The following CPXM2 variants were observed in gnomAD, a reference collection of about 807,000 sequenced individuals.
The protein encoded by CPXM2 is carboxypeptidase X, M14 family member 2.
A neutral mutation model predicts 86.1 loss-of-function variants in CPXM2; 66 were observed. That is an observed-to-expected ratio of 0.77 (90% CI 0.63 to 0.94). The LOEUF (loss-of-function observed/expected upper bound fraction) is 0.94, where lower values mean the gene tolerates loss of function less well. Ranked by LOEUF, CPXM2 falls within the 40% of genes least tolerant of loss-of-function variation. The pLI is 0.00. For synonymous variants in CPXM2, 388 were observed against 400.2 expected (o/e 0.97, Z 0.36); for missense variants, 948 against 1,026.3 (o/e 0.92, Z 1.04).
intron 11 of CPXM2, among the ~76,000 whole-genome samples, chr10:123,759,394 T>G (rs1846284356): frequency 6.6e-6 from 1 of 152,210 alleles, no homozygotes; most frequent in African/African-American, 2.4e-5. Flanking sequence ...GCCTGCCATT[T>G]TGCAATATGT....
In CPXM2 at chr10:123,768,736, C is replaced by A. The variant is rs368011035; in HGVS notation, c.1103-14G>T. The A allele has an allele frequency of 1.2e-6, 2 of 1,603,876 alleles. No individual in the cohort carries two copies. Among genetic ancestry groups the A allele is most frequent in the African/African-American group, 1.3e-5 (1 of 74,872 alleles). On this transcript the variant is annotated splice_polypyrimidine_tract_variant and intron_variant, in intron 8 of 13. Transcript: ENST00000241305. Reference sequence around the variant, plus strand: ...ACTCGGGCTCACCTTTACTCAAAGACAGAGAGAAGCACAGGTTCACGTTGA... The same window carrying A: ...ACTCGGGCTCACCTTTACTCAAAGAAAGAGAGAAGCACAGGTTCACGTTGA...
At chr10:123,815,544 C>T (rs1847796002) in intron 4 of CPXM2, among the ~76,000 whole-genome samples, 1 of 152,150 alleles carries the variant, frequency 6.6e-6, no homozygotes, top group South Asian at 2.1e-4. Context: ...TCCCCATACC[C>T]AGTAGTGGCA....
chr10:123,939,968 A>G (rs1235774747), intron 1 of CPXM2, among the ~76,000 whole-genome samples: 2 of 152,162 alleles, frequency 1.3e-5, no homozygotes, highest in African/African-American at 2.4e-5. Flanking sequence ...CATCTGCAGG[A>G]CTTGAAGTCA....
Position 123,754,701 on chromosome 10 carries a change from A to C in CPXM2, c.1979T>G (p.Ile660Ser). Reference protein sequence around the residue: ...DSHGKGIPNAIISVEGINHDI... With the variant: ...DSHGKGIPNASISVEGINHDI... ...ATGGTTAATGCCTTCTACGGAGATAATGGCGTTTGGGATTCCTTTTCCATG... is the reference window on the plus strand; with the variant it reads ...ATGGTTAATGCCTTCTACGGAGATACTGGCGTTTGGGATTCCTTTTCCATG... The change falls in exon 13 of 14, where the codon ATT (isoleucine) becomes AGT (serine). Residue 660 changes from isoleucine to serine, a missense_variant. By Grantham distance (142) the Ile-to-Ser change is moderately radical. Transcript: ENST00000241305. This position sits in a 1 kb window ranked among gnomAD's most constrained non-coding sequence, Gnocchi z 4.0. The C allele has an allele frequency of 6.2e-7, 1 of 1,609,834 alleles. No individual in the cohort carries two copies. The highest frequency in any genetic ancestry group is 8.5e-7 in the Non-Finnish European group (1 of 1,176,036).
chr10:123,887,517 T>C (rs1945197670), intron 1 of CPXM2, among the ~76,000 whole-genome samples: 1 of 152,154 alleles, frequency 6.6e-6, no homozygotes, highest in East Asian at 1.9e-4. Flanking sequence ...ACCTCCTCAT[T>C]TTGATACTGT....
chr10:123,754,762 C>T lies in CPXM2; in HGVS notation c.1918G>A (p.Val640Ile), dbSNP rs530115758. ...ACCAAGCCTTTAATGCCACGATGAA[C>T]CTGCTCAGCAAACATGAGACACAGG... Reference protein sequence around the residue: ...RESLIVFMEQVHRGIKGLVRD... With the variant: ...RESLIVFMEQIHRGIKGLVRD... The change falls in exon 13 of 14, where the codon GTT becomes ATT. Residue 640 changes from valine to isoleucine, a missense_variant and splice_region_variant. Coordinates refer to ENST00000241305, the MANE Select transcript of CPXM2 (RefSeq NM_198148.3). The surrounding 1 kb of genome is among the most constrained non-coding windows in gnomAD (Gnocchi z 4.0). 1.0e-5 allele frequency: 16 copies of T among 1,583,138 alleles called. No individual in the cohort carries two copies. Among genetic ancestry groups the T allele is most frequent in the South Asian group, 7.7e-5 (7 of 90,438 alleles).
chr10:123,822,807 A>C lies in CPXM2; in HGVS notation c.653+19542T>G, dbSNP rs543590411. On this transcript the variant is annotated intron_variant, in intron 4 of 13. Transcript: ENST00000241305. Reference sequence around the variant, plus strand: ...AGAAGGAATAACTCAAAGCTTTAGAAGCTTGCCTACCCTCAGACCTCTACT... The same window carrying C: ...AGAAGGAATAACTCAAAGCTTTAGACGCTTGCCTACCCTCAGACCTCTACT... Among the ~76,000 whole-genome samples, 6 of 152,280 alleles carry C rather than the reference A, an allele frequency of 3.9e-5. No homozygotes were observed. The South Asian group carries it at 1.2e-3, about 32-fold the overall frequency.
chr10:123,922,755 T>A (rs1257420596), intron 2 of CPXM2, among the ~76,000 whole-genome samples: 1 of 152,200 alleles, frequency 6.6e-6, no homozygotes, highest in Non-Finnish European at 1.5e-5. Context: ...TTATGCAACA[T>A]CTCCAGCTGC....
chr10:123,811,811 G>A (rs578125336), intron 4 of CPXM2, among the ~76,000 whole-genome samples: 15 of 151,588 alleles, frequency 9.9e-5, no homozygotes, highest in Non-Finnish European at 1.6e-4. Context: ...GTAACCAAAC[G>A]GCAAATAAAC....
At chr10:123,770,204 G>A (rs1846595173) in intron 8 of CPXM2, among the ~76,000 whole-genome samples, 1 of 152,166 alleles carries the variant, frequency 6.6e-6, no homozygotes, top group Non-Finnish European at 1.5e-5. Flanking sequence ...AACCCAGAAG[G>A]CAGAGGTTTC....
chr10:123,787,854 G>A (rs1847101430), intron 6 of CPXM2, among the ~76,000 whole-genome samples: 1 of 152,164 alleles, frequency 6.6e-6, no homozygotes, highest in South Asian at 2.1e-4. Context: ...GTTACCCGGG[G>A]ATGGCGGAGG....
chr10:123,762,013 G>T lies in CPXM2; in HGVS notation c.1636C>A (p.His546Asn). ...TQEHTPTPDD[H>N]VFRWLAYSYA... ...GAGTAGGCCAGCCAGCGGAACACGT[G>T]GTCGTCGGGGGTGGGGGTGTGTTCC... The change falls in exon 11 of 14, where the codon CAC (histidine) becomes AAC (asparagine). Residue 546 changes from histidine to asparagine, a missense_variant. Transcript: ENST00000241305. 6.2e-7 allele frequency: 1 copy of T among 1,613,772 alleles called. No individual in the cohort carries two copies. Among genetic ancestry groups the T allele is most frequent in the Non-Finnish European group, 8.5e-7 (1 of 1,179,794 alleles).
At chr10:123,838,689 C>T (rs1299998074) in intron 4 of CPXM2, among the ~76,000 whole-genome samples, 4 of 152,154 alleles carry the variant, frequency 2.6e-5, no homozygotes, top group Non-Finnish European at 5.9e-5. Flanking sequence ...GACTAGGGTA[C>T]GCTCTGCACG....
intron 3 of CPXM2, among the ~76,000 whole-genome samples, chr10:123,855,564 C>T (rs575303870): frequency 1.8e-4 from 28 of 152,218 alleles, no homozygotes; most frequent in African/African-American, 6.3e-4. Context: ...CAAAGTGGGG[C>T]CCCAAGAGCA....
chr10:123,835,601 C>T (rs1156884536), intron 4 of CPXM2, among the ~76,000 whole-genome samples: 7 of 152,324 alleles, frequency 4.6e-5, no homozygotes, highest in Admixed American at 3.3e-4. Context: ...AAACTTCTCT[C>T]TCCCCAGCCC....
intron 7 of CPXM2, 31 bp downstream of exon 7, chr10:123,780,136 C>T (rs1564765377): frequency 7.0e-7 from 1 of 1,418,584 alleles, no homozygotes; most frequent in Admixed American, 1.7e-5. Context: ...TGACAAATTC[C>T]TGGCATGAGG....
intron 4 of CPXM2, among the ~76,000 whole-genome samples, chr10:123,803,165 C>CTTTTA (rs1248470774): frequency 1.1e-5 from 1 of 89,242 alleles, no homozygotes; most frequent in Non-Finnish European, 2.3e-5. Flanking sequence ...CAGCGTTTTG[C>CTTTTA]TCTGTCACCC....
intron 6 of CPXM2, among the ~76,000 whole-genome samples, chr10:123,794,523 AGG>A: frequency 1.3e-5 from 2 of 152,270 alleles, no homozygotes; most frequent in East Asian, 3.9e-4. Flanking sequence ...AAAACCACCA[AGG>A]CCATGACCAT....
rs1406320926 is a variant in CPXM2, at chr10:123,891,202, C to T, written c.304+154G>A. ...GGAAGCTGGGCGGGCCGGCAGGAAG[C>T]GCAGATACAGTCCCTAGGGAGGCAG... On this transcript the variant is annotated intron_variant, in intron 1 of 13. Coordinates refer to ENST00000241305, the MANE Select transcript of CPXM2 (RefSeq NM_198148.3). This position sits in a 1 kb window ranked among gnomAD's most constrained non-coding sequence, Gnocchi z 5.6. 3.9e-5 allele frequency among the ~76,000 whole-genome samples: 6 copies of T among 152,076 alleles called. No individual in the cohort carries two copies. The highest frequency in any genetic ancestry group is 7.4e-5 in the Non-Finnish European group (5 of 68,006).
Sources: gnomAD v4.1 joint callset for allele counts (sites outside exome capture counted in the v4.1 genomes callset) on GRCh38, gnomAD v4.1.1 for gene constraint, Gnocchi (gnomAD v3.1) non-coding constraint, MANE v1.5 for transcripts, NCBI Gene and HGNC (gene_info 2026-07-23, HGNC 2026-07-21) for gene names.